DCC: variants seen among roughly 807,000 people sequenced by gnomAD.
The protein encoded by DCC is netrin receptor DCC.
In DCC, 58 loss-of-function variants were observed where a neutral mutation model predicts 172.5. The ratio of observed to expected loss-of-function variants is 0.34; its 90% CI spans 0.27 to 0.42. The LOEUF is 0.42. DCC is among the 10% of genes least tolerant of loss of function. The pLI, the probability that DCC is intolerant of heterozygous loss-of-function variation, is 1.00. For synonymous variants in DCC, 709 were observed against 644.5 expected (o/e 1.10, Z -1.52); for missense variants, 1,740 against 1,791.0 (o/e 0.97, Z 0.51).
chr18:52,867,462 T>C (rs2039246152), intron 2 of DCC, among the ~76,000 whole-genome samples: 1 of 152,060 alleles, frequency 6.6e-6, no homozygotes, highest in African/African-American at 2.4e-5. Context: ...TGGTACCAGC[T>C]CCTCTTTTTA....
chr18:52,820,374 G>A (rs62083309), intron 2 of DCC, among the ~76,000 whole-genome samples: 19,154 of 152,096 alleles, frequency 0.13, 1,455 homozygotes, highest in Middle Eastern at 0.22. Flanking sequence ...CCCCAAACAC[G>A]TTCCTAACAA....
intron 9 of DCC, among the ~76,000 whole-genome samples, chr18:53,186,266 T>C (rs974952697): frequency 1.3e-5 from 2 of 152,180 alleles, no homozygotes; most frequent in Admixed American, 6.5e-5. Flanking sequence ...ATAATAATTA[T>C]TGGTTTTCAG....
chr18:53,442,026 A>C (rs1439442372), intron 22 of DCC, among the ~76,000 whole-genome samples: 3 of 152,208 alleles, frequency 2.0e-5, no homozygotes, highest in Non-Finnish European at 4.4e-5. Flanking sequence ...GCAATAACTC[A>C]TGCTTCAGCC....
chr18:52,619,221 A>C (rs918695880), intron 1 of DCC, among the ~76,000 whole-genome samples: 1 of 152,158 alleles, frequency 6.6e-6, no homozygotes, highest in Non-Finnish European at 1.5e-5. Flanking sequence ...CATTGTTTTA[A>C]TCTACTAAGA....
intron 7 of DCC, among the ~76,000 whole-genome samples, chr18:53,079,768 G>T (rs1386695831): frequency 2.0e-5 from 3 of 152,130 alleles, no homozygotes; most frequent in Non-Finnish European, 2.9e-5. Flanking sequence ...ATGTGGTTTG[G>T]CCAAGCTGCC....
chr18:52,823,528 T>A (rs2038448627), intron 2 of DCC, among the ~76,000 whole-genome samples: 1 of 152,004 alleles, frequency 6.6e-6, no homozygotes, highest in Non-Finnish European at 1.5e-5. Context: ...GGGGAATACT[T>A]GGAATGTCAA....
chr18:53,405,493 G>A (rs1568111311), intron 19 of DCC, among the ~76,000 whole-genome samples: 1 of 152,120 alleles, frequency 6.6e-6, no homozygotes, highest in Non-Finnish European at 1.5e-5. Flanking sequence ...TACCCAGTGG[G>A]CACTGACACG....
At chr18:52,807,180 C>G (rs551776884) in intron 2 of DCC, among the ~76,000 whole-genome samples, 2 of 152,086 alleles carry the variant, frequency 1.3e-5, no homozygotes, top group South Asian at 4.1e-4. Context: ...GGTGACAGAG[C>G]GAGACTGTCT....
intron 1 of DCC, among the ~76,000 whole-genome samples, chr18:52,348,524 G>T (rs1037047491): frequency 9.9e-5 from 15 of 152,108 alleles, no homozygotes; most frequent in Non-Finnish European, 2.2e-4. Flanking sequence ...GGTTTAATTC[G>T]CATTTTCCTG....
chr18:53,162,538 C>T (rs1031227271), intron 8 of DCC, among the ~76,000 whole-genome samples: 1 of 152,112 alleles, frequency 6.6e-6, no homozygotes, highest in Non-Finnish European at 1.5e-5. Flanking sequence ...AACTCCTTGC[C>T]TTTTTCTCAT....
chr18:53,284,206 G>T (rs1317675385), intron 12 of DCC, among the ~76,000 whole-genome samples: 1 of 152,074 alleles, frequency 6.6e-6, no homozygotes, highest in African/African-American at 2.4e-5. Flanking sequence ...ATCACTAAAA[G>T]GATTGAGATT....
chr18:52,343,933 A>C (rs1983769146), intron 1 of DCC, among the ~76,000 whole-genome samples: 1 of 50,494 alleles, frequency 2.0e-5, no homozygotes, highest in Non-Finnish European at 4.0e-5. Flanking sequence ...TGAGTGCCGC[A>C]GTATAAATCA....
At chr18:52,860,040 G>C (rs777546782) in intron 2 of DCC, among the ~76,000 whole-genome samples, 34 of 152,218 alleles carry the variant, frequency 2.2e-4, no homozygotes, top group Non-Finnish European at 4.3e-4. Context: ...CATTCTAGCA[G>C]GTGCATTGCC....
intron 1 of DCC, among the ~76,000 whole-genome samples, chr18:52,636,996 CTG>C (rs549030763): frequency 1.0e-3 from 156 of 152,322 alleles, no homozygotes; most frequent in Middle Eastern, 3.4e-3. Flanking sequence ...TCACAGGACT[CTG>C]TGCAGACAAC....
At chr18:53,497,920 C>T (rs143437913) in intron 26 of DCC, among the ~76,000 whole-genome samples, 1,719 of 152,024 alleles carry the variant, frequency 0.011, 27 homozygotes, top group Admixed American at 0.042. Context: ...ATTCATTTCC[C>T]TTGTTCAAAG....
chr18:53,138,803 A>G (rs534759489), intron 7 of DCC, among the ~76,000 whole-genome samples: 110 of 152,318 alleles, frequency 7.2e-4, no homozygotes, highest in African/African-American at 2.5e-3. Context: ...GCTACCAAAT[A>G]CTGTAAATGC....
chr18:52,585,532 T>A (rs1042770468), intron 1 of DCC, among the ~76,000 whole-genome samples: 1 of 152,172 alleles, frequency 6.6e-6, no homozygotes, highest in Non-Finnish European at 1.5e-5. Context: ...TTAAAGGAAA[T>A]CTTTAGATTG....
intron 12 of DCC, among the ~76,000 whole-genome samples, chr18:53,266,672 CTT>C (rs1043460659): frequency 1.3e-5 from 2 of 151,962 alleles, no homozygotes; most frequent in Non-Finnish European, 2.9e-5. Flanking sequence ...TTATGAATCT[CTT>C]AGCAGTGCCC....
At chr18:53,361,543 A>G (rs2057947198) in intron 15 of DCC, among the ~76,000 whole-genome samples, 1 of 152,198 alleles carries the variant, frequency 6.6e-6, no homozygotes, top group Non-Finnish European at 1.5e-5. Context: ...TTGGATGAAT[A>G]AGATGGTTTT....
Sources: allele counts gnomAD v4.1 joint callset (sites outside exome capture counted in the v4.1 genomes callset), GRCh38; gene constraint gnomAD v4.1.1; transcripts MANE v1.5; gene names NCBI Gene and HGNC (gene_info 2026-07-23, HGNC 2026-07-21).